SOX5: variants seen among roughly 807,000 people sequenced by gnomAD.
The protein encoded by SOX5 is transcription factor SOX-5.
SOX5 carries 9 observed loss-of-function variants against 92.0 expected under a neutral mutation model. The observed-to-expected ratio is 0.10, with a 90% CI of 0.06 to 0.17. SOX5 has a LOEUF of 0.17. Among genes scored for constraint, SOX5 ranks in the 10% least tolerant of loss-of-function variants. The probability of loss-of-function intolerance (pLI) is 1.00; values close to 1 mark genes in which losing one functional copy is unlikely to be tolerated. For synonymous variants in SOX5, 344 were observed against 336.3 expected, an observed-to-expected ratio of 1.02 and a Z score of -0.25; for missense variants, 642 against 944.5, an observed-to-expected ratio of 0.68 and a Z score of 4.20.
intron 2 of SOX5, among the ~76,000 whole-genome samples, chr12:24,299,136 GCTACAATGTTAA>G (rs1947659259): frequency 6.6e-6 from 1 of 152,104 alleles, no homozygotes; most frequent in Non-Finnish European, 1.5e-5. Flanking sequence ...AATACAAAGA[GCTACAATGTTAA>G]CTCTTGCGTT....
At chr12:24,084,672 G>C (rs1943750971) in intron 4 of SOX5, among the ~76,000 whole-genome samples, 1 of 151,962 alleles carries the variant, frequency 6.6e-6, no homozygotes, top group Non-Finnish European at 1.5e-5. Flanking sequence ...GTTATCAGCT[G>C]TCAGCATTAG....
At chr12:24,061,937 T>C (rs1939800468) in intron 4 of SOX5, among the ~76,000 whole-genome samples, 1 of 152,136 alleles carries the variant, frequency 6.6e-6, no homozygotes, top group South Asian at 2.1e-4. Context: ...TTTCAAATAA[T>C]TGTGTCTGAA....
chr12:24,263,018 T>TC (rs1942395877), intron 3 of SOX5, among the ~76,000 whole-genome samples: 1 of 151,570 alleles, frequency 6.6e-6, no homozygotes, highest in South Asian at 2.1e-4. Flanking sequence ...GGTCAGGAGT[T>TC]CGAGGCCAGA....
intron 2 of SOX5, among the ~76,000 whole-genome samples, chr12:24,330,801 C>A (rs553990371): frequency 1.3e-5 from 2 of 152,142 alleles, no homozygotes; most frequent in Admixed American, 1.3e-4. Flanking sequence ...TTGGAGTTAT[C>A]GCCTCTGAAA....
intron 1 of SOX5, among the ~76,000 whole-genome samples, chr12:24,482,380 T>C (rs561217869): frequency 1.3e-5 from 2 of 152,306 alleles, no homozygotes; most frequent in South Asian, 4.2e-4. Context: ...GATAACATAT[T>C]AAGAACAATT....
intron 4 of SOX5, among the ~76,000 whole-genome samples, chr12:24,142,387 A>C (rs1169076634): frequency 6.6e-6 from 1 of 152,186 alleles, no homozygotes; most frequent in East Asian, 1.9e-4. Flanking sequence ...AAAGAGACAC[A>C]AAATTCGGAT....
intron 1 of SOX5, among the ~76,000 whole-genome samples, chr12:24,439,319 T>C (rs2137156976): frequency 6.6e-6 from 1 of 152,352 alleles, no homozygotes; most frequent in African/African-American, 2.4e-5. Context: ...CTGTGTGACC[T>C]GATTGATTGT....
intron 2 of SOX5, among the ~76,000 whole-genome samples, chr12:24,295,929 G>C (rs1947178819): frequency 6.6e-6 from 1 of 152,066 alleles, no homozygotes; most frequent in African/African-American, 2.4e-5. Context: ...TAGACTATAT[G>C]AATCAGGACC....
intron 1 of SOX5, among the ~76,000 whole-genome samples, chr12:24,380,465 A>G (rs1318070402): frequency 6.6e-6 from 1 of 152,248 alleles, no homozygotes; most frequent in Non-Finnish European, 1.5e-5. Flanking sequence ...AATTTCATAA[A>G]GGAGTTACTG....
chr12:23,875,343 C>T (rs139872353), intron 2 of SOX5, among the ~76,000 whole-genome samples: 1 of 152,184 alleles, frequency 6.6e-6, no homozygotes, highest in Non-Finnish European at 1.5e-5. Flanking sequence ...GGAAAGTTGG[C>T]TGCTGAAAGG....
At chr12:23,915,663 T>C (rs1225816498) in intron 1 of SOX5, among the ~76,000 whole-genome samples, 1 of 151,696 alleles carries the variant, frequency 6.6e-6, no homozygotes, top group Non-Finnish European at 1.5e-5. Context: ...ATTCAGAATA[T>C]GGTTTTTTGC....
chr12:24,004,077 G>A (rs1951888609), intron 4 of SOX5, among the ~76,000 whole-genome samples: 1 of 151,944 alleles, frequency 6.6e-6, no homozygotes, highest in African/African-American at 2.4e-5. Flanking sequence ...AACAAGTTGT[G>A]CTGCAACAAT....
chr12:24,452,650 C>T (rs1243716869), intron 1 of SOX5, among the ~76,000 whole-genome samples: 1 of 152,104 alleles, frequency 6.6e-6, no homozygotes, highest in East Asian at 1.9e-4. Context: ...AGTGTGAAGG[C>T]TTTAGCTATA....
intron 4 of SOX5, among the ~76,000 whole-genome samples, chr12:24,177,354 C>T (rs1197360834): frequency 6.6e-6 from 1 of 152,140 alleles, no homozygotes; most frequent in South Asian, 2.1e-4. Flanking sequence ...TTCTATGTCT[C>T]ATCTAGAAAG....
At chr12:23,750,921 G>A (rs966354131) in intron 4 of SOX5, among the ~76,000 whole-genome samples, 12 of 151,798 alleles carry the variant, frequency 7.9e-5, no homozygotes, top group African/African-American at 2.9e-4. Context: ...TCATGAGACG[G>A]AGCAAATCAC....
chr12:24,033,913 A>C (rs1955759920), intron 4 of SOX5, among the ~76,000 whole-genome samples: 2 of 151,956 alleles, frequency 1.3e-5, no homozygotes, highest in Admixed American at 1.3e-4. Flanking sequence ...GTTTTCAATG[A>C]TGCTTAGTTG....
At chr12:23,548,336 TCA>T (rs1011723740) in intron 11 of SOX5, among the ~76,000 whole-genome samples, 4 of 152,040 alleles carry the variant, frequency 2.6e-5, no homozygotes, top group African/African-American at 9.7e-5. Flanking sequence ...AGCAGGAAAG[TCA>T]CACTCAGTTT....
At chr12:24,424,812 G>GA (rs981419594) in intron 1 of SOX5, among the ~76,000 whole-genome samples, 2 of 150,716 alleles carry the variant, frequency 1.3e-5, no homozygotes, top group Admixed American at 6.6e-5. Context: ...TTTTTTTGGG[G>GA]GGGGGGGATG....
chr12:23,830,356 G>A (rs1320846316), intron 3 of SOX5, among the ~76,000 whole-genome samples: 5 of 152,134 alleles, frequency 3.3e-5, no homozygotes, highest in Admixed American at 1.3e-4. Context: ...TCAACAAGAA[G>A]AGAGACATTT....
Sources: allele counts gnomAD v4.1 joint callset (sites outside exome capture counted in the v4.1 genomes callset), GRCh38; gene constraint gnomAD v4.1.1; transcripts MANE v1.5; gene names NCBI Gene and HGNC (gene_info 2026-07-23, HGNC 2026-07-21).